PLB1: variants seen among roughly 807,000 people sequenced by gnomAD.
PLB1 encodes phospholipase B1, membrane-associated.
In PLB1, 242 loss-of-function variants were observed where a neutral mutation model predicts 227.4. The ratio of observed to expected loss-of-function variants is 1.06; its 90% CI spans 0.96 to 1.18. The LOEUF (loss-of-function observed/expected upper bound fraction) is 1.18. PLB1 is among the 50% of genes most tolerant of loss of function. The pLI is 0.00. For missense variants in PLB1, 1,858 were observed against 1,816.3 expected (o/e 1.02, Z -0.42); for synonymous variants, 757 against 682.2 (o/e 1.11, Z -1.71).
At chr2:28,605,979 G>T in intron 42 of PLB1, 31 bp downstream of exon 42, 1 of 1,547,742 alleles carries the variant, frequency 6.5e-7, no homozygotes, top group Non-Finnish European at 8.9e-7. Context: ...CTTGTTCTCT[G>T]GGGTTCTAGT....
chr2:28,594,382 A>G (rs1310263228), intron 33 of PLB1: 1 of 197,492 alleles, frequency 5.1e-6, no homozygotes, highest in East Asian at 1.2e-4. Context: ...TTTCTCTCCT[A>G]ATAAAGTTCT....
chr2:28,589,865 A>T (rs762890519), intron 28 of PLB1, 95 bp downstream of exon 28: 52 of 1,369,186 alleles, frequency 3.8e-5, no homozygotes, highest in Non-Finnish European at 5.1e-5. Context: ...CGTGCAGGCC[A>T]TGTGATTCTA....
chr2:28,643,145 C>A lies in PLB1; in HGVS notation c.*84C>A. On this transcript the variant is annotated 3_prime_UTR_variant, in exon 58 of 58. Coordinates refer to ENST00000327757, the MANE Select transcript of PLB1 (RefSeq NM_153021.5). ...CCCCAGCCACTCCCGGCCACCAGGA[C>A]ATGCTTCAATGCCTGGTGCCATAGG... is the stretch of plus-strand genomic sequence containing the variant. 7.5e-7 allele frequency: 1 copy of A among 1,334,490 alleles called. No homozygotes were observed. Among genetic ancestry groups the A allele is most frequent in the African/African-American group, 1.5e-5 (1 of 68,164 alleles). 82.7% of individuals were successfully genotyped at this position (1,334,490 alleles called of 1,614,324 possible).
At chr2:28,605,982 G>C in intron 42 of PLB1, 34 bp downstream of exon 42, 1 of 1,540,670 alleles carries the variant, frequency 6.5e-7, no homozygotes, top group Non-Finnish European at 9.0e-7. Flanking sequence ...GTTCTCTGGG[G>C]TTCTAGTCTA....
intron 43 of PLB1, among the ~76,000 whole-genome samples, chr2:28,609,371 C>A (rs149914136): frequency 1.6e-4 from 25 of 152,092 alleles, no homozygotes; most frequent in African/African-American, 5.8e-4. Context: ...TATTTCTGAC[C>A]TTTAAAATAC....
chr2:28,631,702 A>G (rs1275816463), intron 54 of PLB1, among the ~76,000 whole-genome samples: 1 of 152,142 alleles, frequency 6.6e-6, no homozygotes, highest in Non-Finnish European at 1.5e-5. Flanking sequence ...ACTTTGGCCT[A>G]TGCAATCTGG....
At position 28,589,509 on chromosome 2, in the gene PLB1, G is replaced by C. The variant is rs770387009; in HGVS notation, c.1875G>C (p.Val625=). 3 of 1,614,180 alleles carry C rather than the reference G, an allele frequency of 1.9e-6. No homozygotes were observed. Among genetic ancestry groups the C allele is most frequent in the South Asian group, 1.1e-5 (1 of 91,084 alleles). The change falls in exon 27 of 58, where the codon GTG becomes GTC. Residue 625 remains valine, a synonymous_variant. Coordinates refer to ENST00000327757, the MANE Select transcript of PLB1 (RefSeq NM_153021.5). ...GRYDTREDFT[V]VVQPFFENVD... is the part of the protein sequence containing the mutation. ...ATGACACAAGGGAAGATTTTACTGTGGTTGTGCAGCCGTTCTTTGAAAACG... is the reference window on the plus strand; with the variant it reads ...ATGACACAAGGGAAGATTTTACTGTCGTTGTGCAGCCGTTCTTTGAAAACG...
intron 56 of PLB1, among the ~76,000 whole-genome samples, chr2:28,638,024 T>C (rs548766024): frequency 6.6e-6 from 1 of 152,210 alleles, no homozygotes; most frequent in African/African-American, 2.4e-5. Context: ...TTTAATTAAT[T>C]CATCCATCCA....
Position 28,614,042 on chromosome 2 carries a change from C to T in PLB1, c.3141C>T (p.Phe1047=), listed in dbSNP as rs749962702. Residue 1047 remains phenylalanine (F), a synonymous_variant, in exon 44 of 58, where the codon TTC becomes TTT. Coordinates refer to ENST00000327757, the MANE Select transcript of PLB1 (RefSeq NM_153021.5). ...PITCPTQNEP[F]LRTPRNSNYT... ...TTTTTTTCTCTTAGAATGAGCCCTT[C>T]CTGAGAACCCCTCGGAATAGTAACT... 3 of 1,612,614 alleles carry T rather than the reference C, an allele frequency of 1.9e-6. No individual in the cohort carries two copies. Among genetic ancestry groups the T allele is most frequent in the Admixed American group, 1.7e-5 (1 of 59,992 alleles).
intron 6 of PLB1, 70 bp downstream of exon 6, chr2:28,526,015 A>G (rs1245141285): frequency 3.2e-6 from 5 of 1,554,580 alleles, no homozygotes; most frequent in African/African-American, 2.7e-5. Context: ...CATCCTCTCT[A>G]ATAAAGAGAA....
At chr2:28,580,571 G>T (rs904664482) in intron 23 of PLB1, among the ~76,000 whole-genome samples, 1 of 152,170 alleles carries the variant, frequency 6.6e-6, no homozygotes, top group African/African-American at 2.4e-5. Flanking sequence ...AAAATTAGCT[G>T]GTTGTGATGG....
At chr2:28,523,385 C>T (rs1411103596) in intron 4 of PLB1, among the ~76,000 whole-genome samples, 1 of 136,656 alleles carries the variant, frequency 7.3e-6, no homozygotes, top group Non-Finnish European at 1.5e-5. Flanking sequence ...GATATTTTTC[C>T]TTGCCAAGGA....
Position 28,591,172 on chromosome 2 carries a change from GT to G in PLB1, c.2127+2del. 6.2e-7 allele frequency: 1 copy of G among 1,614,194 alleles called. No homozygotes were observed. The highest frequency in any genetic ancestry group is 8.5e-7 in the Non-Finnish European group (1 of 1,180,014). ...GAGGACCTACAAGAACAGCATGCAGGTACCTGCCTCTTGCCTCCTCTTGACT... is the reference window on the plus strand; with the variant it reads ...GAGGACCTACAAGAACAGCATGCAGGACCTGCCTCTTGCCTCCTCTTGACT... On this transcript the variant is annotated splice_donor_variant, in intron 30 of 57. Transcript: ENST00000327757. LOFTEE classifies it high-confidence loss of function.
rs375188455 is a variant in PLB1, at chr2:28,520,450, G to C, written c.243+687G>C. Among the ~76,000 whole-genome samples the C allele has an allele frequency of 7.2e-5, 11 of 152,018 alleles. No homozygotes were observed. In the East Asian group the frequency reaches 2.1e-3, roughly 29 times the overall value. On this transcript the variant is annotated intron_variant, in intron 4 of 57. Coordinates refer to ENST00000327757, the MANE Select transcript of PLB1 (RefSeq NM_153021.5). The stretch of plus-strand genomic sequence containing the variant: ...CTTTGTAAATAACTTTTTAAATTTT[G>C]TTTGCAATTGTGGTAAATACATAGA...
intron 11 of PLB1, among the ~76,000 whole-genome samples, chr2:28,539,823 G>T (rs2148205964): frequency 6.6e-6 from 1 of 152,006 alleles, no homozygotes; most frequent in African/African-American, 2.4e-5. Context: ...AGTGAGCGGG[G>T]AGGAGGAGGA....
Position 28,497,218 on chromosome 2 carries a change from A to T in PLB1, c.55+1049A>T, listed in dbSNP as rs989912918. ...TACTAGCTCTTTGGAGGTTACATAT[A>T]TGACAAATATCTTGTTCCACTCTGA... On this transcript the variant is annotated intron_variant, in intron 1 of 57. Coordinates refer to ENST00000327757, the MANE Select transcript of PLB1 (RefSeq NM_153021.5). Among the ~76,000 whole-genome samples, 3 of 152,182 alleles carry T rather than the reference A, an allele frequency of 2.0e-5. No individual in the cohort carries two copies. The East Asian group carries it at 5.8e-4, about 29-fold the overall frequency.
Position 28,601,902 on chromosome 2 carries a change from C to A in PLB1, c.2611C>A (p.Leu871Met), listed in dbSNP as rs1278183237. The A allele has an allele frequency of 6.2e-7, 1 of 1,604,940 alleles. No homozygotes were observed. ...CCTCCTTCCTGTCTCTTTCTAGAATCTGTATTCTGCAGCCAACTTTGTTCA... is the reference window on the plus strand; with the variant it reads ...CCTCCTTCCTGTCTCTTTCTAGAATATGTATTCTGCAGCCAACTTTGTTCA... ...DLCDYCTDSN[L>M]YSAANFVHHL... Residue 871 changes from leucine to methionine, a missense_variant, in exon 38 of 58, where the codon CTG becomes ATG. Transcript: ENST00000327757.
rs925719384 is a variant in PLB1 at position 28,566,914 on chromosome 2, C to T, written c.1324+75C>T. On this transcript the variant is annotated intron_variant, in intron 20 of 57. Transcript: ENST00000327757. ...CGCTTCCCGCTCCCCCTGCAGGTGG[C>T]GCGGGCCTCGGGAGGAGCCCCGGCT... 18 of 1,555,942 alleles carry T rather than the reference C, an allele frequency of 1.2e-5. 1 individual carries two copies. In the Middle Eastern group the frequency reaches 1.3e-3, roughly 116 times the overall value.
chr2:28,551,079 C>G lies in PLB1; in HGVS notation c.1083+995C>G, dbSNP rs1674175011. Among the ~76,000 whole-genome samples the G allele has an allele frequency of 2.6e-5, 4 of 152,360 alleles. No individual in the cohort carries two copies. The South Asian group carries it at 8.3e-4, about 32-fold the overall frequency. ...CTGCCCAGCACCTCCTGTTCCCAAT[C>G]TGTTTTGATGTAAGACAGATTCTTC... On this transcript the variant is annotated intron_variant, in intron 16 of 57. Transcript: ENST00000327757.
Sources: allele counts gnomAD v4.1 joint callset (sites outside exome capture counted in the v4.1 genomes callset), GRCh38; gene constraint gnomAD v4.1.1; transcripts MANE v1.5; gene names NCBI Gene and HGNC (gene_info 2026-07-23, HGNC 2026-07-21).